The following ROBO2 variants were observed in gnomAD, a reference collection of about 807,000 sequenced individuals.
ROBO2 encodes roundabout guidance receptor 2.
ROBO2 carries 53 observed loss-of-function variants against 160.8 expected under a neutral mutation model. The observed-to-expected ratio is 0.33, with a 90% CI of 0.26 to 0.41. ROBO2 has a LOEUF of 0.41. Among genes scored for constraint, ROBO2 ranks in the 10% least tolerant of loss-of-function variants. The pLI is 1.00. For missense variants in ROBO2, 1,577 were observed against 1,722.4 expected (o/e 0.92, Z 1.49); for synonymous variants, 664 against 611.7 (o/e 1.09, Z -1.26).
At chr3:77,548,419 A>G (rs973738770) in intron 7 of ROBO2, among the ~76,000 whole-genome samples, 1 of 152,082 alleles carries the variant, frequency 6.6e-6, no homozygotes, top group Non-Finnish European at 1.5e-5. Context: ...TCACACTTTA[A>G]ATCCATGTAT....
In ROBO2 at chr3:76,534,174, G is replaced by C. The variant is rs552933884; in HGVS notation, c.110-563840G>C. On this transcript the variant is annotated intron_variant, in intron 2 of 26. Transcript: ENST00000487694. ...ACTGCTTCAAGCGTAACCAGGGACT[G>C]TGTGGACACCTTAAAGAAAATTTTA... 5.3e-4 allele frequency among the ~76,000 whole-genome samples: 81 copies of C among 152,248 alleles called. 1 individual carries two copies. The highest frequency in any genetic ancestry group is 1.9e-3 in the African/African-American group (78 of 41,530).
chr3:76,069,457 A>G (rs2068371119), intron 2 of ROBO2, among the ~76,000 whole-genome samples: 1 of 152,014 alleles, frequency 6.6e-6, no homozygotes, highest in Non-Finnish European at 1.5e-5. Flanking sequence ...TCAGCTCTCA[A>G]TGGAATATTG....
At chr3:76,104,817 T>G (rs776812009) in intron 2 of ROBO2, among the ~76,000 whole-genome samples, 2 of 152,302 alleles carry the variant, frequency 1.3e-5, no homozygotes, top group Admixed American at 6.5e-5. Context: ...TTTAGAGCAG[T>G]GACTTAATAA....
At chr3:77,410,720 CTCCTCCTCCTCTTCCTCCTCCTTT>C (rs2076714045) in intron 2 of ROBO2, among the ~76,000 whole-genome samples, 2 of 131,480 alleles carry the variant, frequency 1.5e-5, no homozygotes, top group Non-Finnish European at 3.2e-5. Flanking sequence ...CCTCCTCTTC[CTCCTCCTCCTCTTCCTCCTCCTTT>C]TCCTCCTCCT....
intron 2 of ROBO2, among the ~76,000 whole-genome samples, chr3:76,185,193 C>A (rs1356018095): frequency 2.2e-4 from 1 of 4,592 alleles, no homozygotes; most frequent in Non-Finnish European, 1.1e-3. Flanking sequence ...TAAGTAAACA[C>A]AGATATATAT....
At chr3:76,799,283 G>GA in intron 2 of ROBO2, among the ~76,000 whole-genome samples, 1 of 152,092 alleles carries the variant, frequency 6.6e-6, no homozygotes, top group African/African-American at 2.4e-5. Context: ...TGCTGAATGG[G>GA]AAAAAATTGA....
intron 2 of ROBO2, among the ~76,000 whole-genome samples, chr3:76,142,334 G>C (rs992178890): frequency 3.9e-5 from 6 of 151,908 alleles, no homozygotes; most frequent in Admixed American, 3.3e-4. Flanking sequence ...CCAAAAGAAA[G>C]GAAATCAGTT....
rs575192893 is a variant in ROBO2, at chr3:77,532,213, T to C, written c.934+9311T>C. ...GTCTTAAATTACTCTCACACTTCTT[T>C]CTTTTTTTTTCCTCTCAGAACTTGG... is the stretch of plus-strand genomic sequence containing the variant. On this transcript the variant is annotated intron_variant, in intron 6 of 25. Transcript: ENST00000461745. 2.1e-4 allele frequency among the ~76,000 whole-genome samples: 31 copies of C among 149,608 alleles called. No individual in the cohort carries two copies. In the East Asian group the frequency reaches 6.1e-3, roughly 29 times the overall value.
intron 2 of ROBO2, among the ~76,000 whole-genome samples, chr3:76,165,225 A>G (rs1249566668): frequency 6.6e-6 from 1 of 152,160 alleles, no homozygotes; most frequent in African/African-American, 2.4e-5. Context: ...TTTCTTAGCT[A>G]GAGTTGCTAG....
chr3:77,163,844 T>C (rs867117340), intron 2 of ROBO2, among the ~76,000 whole-genome samples: 1 of 152,216 alleles, frequency 6.6e-6, no homozygotes, highest in Admixed American at 6.5e-5. Flanking sequence ...TTCAAACTTA[T>C]TTCTAGCATA....
chr3:77,449,817 G>A (rs2080941137), intron 2 of ROBO2, among the ~76,000 whole-genome samples: 1 of 151,940 alleles, frequency 6.6e-6, no homozygotes, highest in Non-Finnish European at 1.5e-5. Flanking sequence ...ATCTCAAAAG[G>A]GGCCATAAGG....
At chr3:77,306,618 A>G (rs2063116639) in intron 2 of ROBO2, among the ~76,000 whole-genome samples, 1 of 152,178 alleles carries the variant, frequency 6.6e-6, no homozygotes, top group East Asian at 1.9e-4. Context: ...ACCAAATTCA[A>G]TTTTGAATTA....
intron 21 of ROBO2, among the ~76,000 whole-genome samples, chr3:77,611,933 T>G (rs1171219007): frequency 6.6e-6 from 1 of 152,204 alleles, no homozygotes; most frequent in Non-Finnish European, 1.5e-5. Context: ...AATTGAAAAG[T>G]GGGGCTTTTC....
At chr3:77,551,883 G>A (rs906639160) in intron 8 of ROBO2, among the ~76,000 whole-genome samples, 2 of 151,942 alleles carry the variant, frequency 1.3e-5, no homozygotes, top group African/African-American at 2.4e-5. Context: ...AAAATTAATA[G>A]AAAGGCAGTA....
At chr3:76,812,843 T>C (rs1364385101) in intron 2 of ROBO2, among the ~76,000 whole-genome samples, 2 of 149,510 alleles carry the variant, frequency 1.3e-5, no homozygotes, top group African/African-American at 4.9e-5. Context: ...ATTAATGGCA[T>C]GAACAGAAAT....
chr3:76,283,151 T>TATATATATATATATATATATATATAA (rs1219870606), intron 2 of ROBO2, among the ~76,000 whole-genome samples: 5 of 137,530 alleles, frequency 3.6e-5, no homozygotes, highest in South Asian at 2.3e-4. Flanking sequence ...TATATATATA[T>TATATATATATATATATATATATATAA]AAAACTACAT....
intron 2 of ROBO2, among the ~76,000 whole-genome samples, chr3:76,077,549 C>T (rs981896277): frequency 2.6e-5 from 4 of 151,568 alleles, no homozygotes; most frequent in Non-Finnish European, 5.9e-5. Flanking sequence ...GGTGACAAAG[C>T]GAGACTTCAT....
intron 2 of ROBO2, among the ~76,000 whole-genome samples, chr3:77,422,331 A>G (rs1167451329): frequency 2.0e-5 from 3 of 152,176 alleles, no homozygotes; most frequent in Non-Finnish European, 4.4e-5. Flanking sequence ...TTAGAAATGG[A>G]CATGAAGGCT....
At chr3:76,834,264 G>A (rs1001291288) in intron 2 of ROBO2, among the ~76,000 whole-genome samples, 6 of 150,122 alleles carry the variant, frequency 4.0e-5, no homozygotes, top group Admixed American at 2.0e-4. Context: ...GAGTGCAGTG[G>A]TACAATCATA....
Sources: gnomAD v4.1 joint callset for allele counts (sites outside exome capture counted in the v4.1 genomes callset) on GRCh38, gnomAD v4.1.1 for gene constraint, MANE v1.5 for transcripts, NCBI Gene and HGNC (gene_info 2026-07-23, HGNC 2026-07-21) for gene names.